FKBP8: variants seen among roughly 807,000 people sequenced by gnomAD.
FKBP8 encodes the protein peptidyl-prolyl cis-trans isomerase FKBP8.
Under a neutral mutation model 41.7 loss-of-function variants are expected in FKBP8, and 5 were observed. The ratio of observed to expected loss-of-function variants is 0.12; its 90% CI spans 0.06 to 0.25. The LOEUF (loss-of-function observed/expected upper bound fraction) is 0.25. FKBP8 is among the 10% of genes least tolerant of loss of function. The probability of loss-of-function intolerance (pLI) is 1.00; values close to 1 mark genes in which losing one functional copy is unlikely to be tolerated. For missense variants in FKBP8, 397 were observed against 563.0 expected (o/e 0.71, Z 2.98); for synonymous variants, 279 against 254.5 (o/e 1.10, Z -0.92).
intron 1 of FKBP8, chr19:18,543,117 G>A: frequency 4.1e-6 from 1 of 242,730 alleles, no homozygotes; most frequent in South Asian, 2.7e-5. Flanking sequence ...ACGCTCTCCT[G>A]ACGCCCCACA....
intron 3 of FKBP8, 21 bp from the exon 4 acceptor site, chr19:18,539,480 C>G (rs1976651687): frequency 6.2e-7 from 1 of 1,612,680 alleles, no homozygotes; most frequent in Non-Finnish European, 8.5e-7. Flanking sequence ...TGGGGATAGC[C>G]AGCTGTCAGG....
chr19:18,542,969 A>G (rs1329358939), intron 1 of FKBP8: 1 of 939,726 alleles, frequency 1.1e-6, no homozygotes, highest in Non-Finnish European at 1.4e-6. Context: ...CGCCCGCACA[A>G]TTCGGCCTCC....
chr19:18,533,069 C>G, intron 7 of FKBP8: 1 of 678,972 alleles, frequency 1.5e-6, no homozygotes, highest in Non-Finnish European at 2.4e-6. Flanking sequence ...GTGCCCTCAG[C>G]TGCTGGAGGA....
chr19:18,537,914 T>A lies in FKBP8; in HGVS notation c.773-141A>T, dbSNP rs537997919. 2 of 896,538 alleles carry A rather than the reference T, an allele frequency of 2.2e-6. No homozygotes were observed. The highest frequency in any genetic ancestry group is 1.7e-6 in the Non-Finnish European group (1 of 600,386). 55.5% of individuals were successfully genotyped at this position (896,538 alleles called of 1,614,324 possible). On this transcript the variant is annotated intron_variant, in intron 5 of 8. Coordinates refer to ENST00000608443, the MANE Select transcript of FKBP8 (RefSeq NM_012181.5). The surrounding 1 kb of genome is among the most constrained non-coding windows in gnomAD (Gnocchi z 4.4). ...ACCAAGGGCCACGCTTTCCTGGGGC[T>A]CTCCTGAGGAAGCTACAAGATGGAG...
At chr19:18,540,229 G>A (rs1422373025) in intron 2 of FKBP8, among the ~76,000 whole-genome samples, 2 of 152,110 alleles carry the variant, frequency 1.3e-5, no homozygotes, top group African/African-American at 4.8e-5. Flanking sequence ...CATGAAATGA[G>A]GTGCTCATGG....
intron 1 of FKBP8, 25 bp from the exon 2 acceptor site, chr19:18,542,020 G>A (rs760871342): frequency 1.9e-6 from 3 of 1,592,014 alleles, no homozygotes; most frequent in Non-Finnish European, 1.7e-6. Context: ...CAGAGATGTG[G>A]GTCAGAATCC....
rs1178066296 is a variant in FKBP8 at position 18,539,376 on chromosome 19, T to C, written c.546A>G (p.Gln182=). ...TAAGGGTGGCTGACTCTCACCTGCC[T>C]TGGGGGCCGTAGCAGTACTTGGAGT... ...TADSKYCYGP[Q]GSRSPYIPPH... Residue 182 remains glutamine, a synonymous_variant, in exon 4 of 9, where the codon CAA becomes CAG. Coordinates refer to ENST00000608443, the MANE Select transcript of FKBP8 (RefSeq NM_012181.5). The C allele has an allele frequency of 2.5e-6, 4 of 1,612,452 alleles. No homozygotes were observed. The highest frequency in any genetic ancestry group is 1.9e-4 in the Middle Eastern group (1 of 5,342).
intron 2 of FKBP8, among the ~76,000 whole-genome samples, chr19:18,540,997 T>C (rs1009951881): frequency 6.6e-6 from 1 of 152,204 alleles, no homozygotes; most frequent in African/African-American, 2.4e-5. Context: ...CAATTGATAG[T>C]GGTAATGATA....
chr19:18,543,030 C>T, intron 1 of FKBP8: 1 of 498,992 alleles, frequency 2.0e-6, no homozygotes, highest in South Asian at 1.9e-5. Context: ...GGCCAGCTCC[C>T]CCCACAGCCG....
chr19:18,541,716 G>C lies in FKBP8; in HGVS notation c.255C>G (p.Ala85=). 1 of 1,612,664 alleles carries C rather than the reference G, an allele frequency of 6.2e-7. No homozygotes were observed. Among genetic ancestry groups the C allele is most frequent in the Non-Finnish European group, 8.5e-7 (1 of 1,179,150 alleles). The change falls in exon 2 of 9, where the codon GCC becomes GCG. Residue 85 remains alanine (A), a synonymous_variant. Transcript: ENST00000608443. Reference sequence around the variant, plus strand: ...GCCACTCTTCTGGGGCCGGGGCTGGGGCGGGCTCGGGCTCCATGGCAGCAA... The same window carrying C: ...GCCACTCTTCTGGGGCCGGGGCTGGCGCGGGCTCGGGCTCCATGGCAGCAA... The part of the protein sequence containing the change: ...EFLAAMEPEP[A]PAPAPEEWLD...
At position 18,532,784 on chromosome 19, in the gene FKBP8, T is replaced by C. The variant is rs1976479388; in HGVS notation, c.1035A>G (p.Ala345=). ...KLEPSNKTIH[A]ELSKLVKKHA... The stretch of plus-strand genomic sequence containing the variant: ...GCTTCTTCACCAGCTTTGAGAGCTC[T>C]GCGTGGATCGTCTGCAGAAGGCAGG... The change falls in exon 8 of 9, where the codon GCA becomes GCG. Residue 345 remains alanine (A), a synonymous_variant. Coordinates refer to ENST00000608443, the MANE Select transcript of FKBP8 (RefSeq NM_012181.5). 10 of 1,613,960 alleles carry C rather than the reference T, an allele frequency of 6.2e-6. No individual in the cohort carries two copies. The highest frequency in any genetic ancestry group is 8.5e-6 in the Non-Finnish European group (10 of 1,180,006).
At chr19:18,541,575 G>C (rs989607895) in intron 2 of FKBP8, 104 bp downstream of exon 2, 1 of 1,485,080 alleles carries the variant, frequency 6.7e-7, no homozygotes, top group Admixed American at 2.3e-5. Flanking sequence ...TGATCACGGT[G>C]GTGACCACGT....
intron 4 of FKBP8, 120 bp downstream of exon 4, chr19:18,539,251 A>T: frequency 1.1e-6 from 1 of 903,982 alleles, no homozygotes; most frequent in Non-Finnish European, 1.7e-6. Flanking sequence ...GAGCCACCTC[A>T]CCCAGCCTCA....
At chr19:18,541,623 C>T in intron 2 of FKBP8, 56 bp downstream of exon 2, 3 of 1,549,044 alleles carry the variant, frequency 1.9e-6, no homozygotes, top group Non-Finnish European at 2.6e-6. Context: ...GGAAATGAGG[C>T]TCAGGGGACG....
At chr19:18,535,666 G>A (rs1172605029) in intron 6 of FKBP8, among the ~76,000 whole-genome samples, 1 of 150,114 alleles carries the variant, frequency 6.7e-6, no homozygotes, top group Admixed American at 6.7e-5. Flanking sequence ...AGAGGTTGCA[G>A]TGAGCCAAGA....
At position 18,532,579 on chromosome 19, in the gene FKBP8, C is replaced by T. The variant is rs1424644278; in HGVS notation, c.1155+85G>A. 86 of 1,553,366 alleles carry T rather than the reference C, an allele frequency of 5.5e-5. No homozygotes were observed. The Admixed American group carries it at 7.3e-4, about 13-fold the overall frequency. On this transcript the variant is annotated intron_variant, in intron 8 of 8. Transcript: ENST00000608443. ...GCATCGCCCAGGACGGCCCAGTCTCCGAGGACATCCATGTATGCAAAATAA... is the reference window on the plus strand; with the variant it reads ...GCATCGCCCAGGACGGCCCAGTCTCTGAGGACATCCATGTATGCAAAATAA...
chr19:18,542,595 G>GTTTTTTCCT, intron 1 of FKBP8: 1 of 203,366 alleles, frequency 4.9e-6, no homozygotes, highest in South Asian at 5.5e-5. Context: ...AACCCCAAGC[G>GTTTTTTCCT]TTTTTTCCTT....
At chr19:18,539,290 A>G in intron 4 of FKBP8, 81 bp downstream of exon 4, 1 of 1,259,732 alleles carries the variant, frequency 7.9e-7, no homozygotes, top group South Asian at 1.4e-5. Flanking sequence ...GGGCAAGTAG[A>G]TGGGGTGAGC....
rs1976611709 is a variant in FKBP8 at position 18,537,768 on chromosome 19, T to C, written c.778A>G (p.Met260Val). The C allele has an allele frequency of 6.2e-7, 1 of 1,609,858 alleles. No individual in the cohort carries two copies. The highest frequency in any genetic ancestry group is 8.5e-7 in the Non-Finnish European group (1 of 1,177,482). The change falls in exon 6 of 9, where the codon ATG becomes GTG. Residue 260 changes from methionine to valine, a missense_variant. Coordinates refer to ENST00000608443, the MANE Select transcript of FKBP8 (RefSeq NM_012181.5). This position sits in a 1 kb window ranked among gnomAD's most constrained non-coding sequence, Gnocchi z 4.4. ...KAITSSAKVD[M>V]TFEEEAQLLQ... Reference sequence around the variant, plus strand: ...AGCTGTGCCTCCTCCTCGAACGTCATGTCCACTATTGGGAGACAGTGCCCG... The same window carrying C: ...AGCTGTGCCTCCTCCTCGAACGTCACGTCCACTATTGGGAGACAGTGCCCG...
Sources: allele counts gnomAD v4.1 joint callset (sites outside exome capture counted in the v4.1 genomes callset), GRCh38; gene constraint gnomAD v4.1.1; non-coding constraint Gnocchi (gnomAD v3.1); transcripts MANE v1.5; gene names NCBI Gene and HGNC (gene_info 2026-07-23, HGNC 2026-07-21).